Variants in TAFA2 observed in about 807,000 individuals in gnomAD.
The protein encoded by TAFA2 is TAFA chemokine like family member 2, also known as chemokine-like protein TAFA-2.
A neutral mutation model predicts 18.8 loss-of-function variants in TAFA2; 7 were observed. The observed-to-expected ratio is 0.37, with a 90% CI of 0.21 to 0.70. TAFA2 has a LOEUF of 0.70. Ranked by LOEUF, TAFA2 falls within the 30% of genes least tolerant of loss-of-function variation. The pLI is 0.53. For synonymous variants in TAFA2, 60 were observed against 54.2 expected, an observed-to-expected ratio of 1.11 and a Z score of -0.47; for missense variants, 122 against 158.1, an observed-to-expected ratio of 0.77 and a Z score of 1.23.
chr12:62,057,988 CTT>C (rs1294093281), intron 1 of TAFA2, among the ~76,000 whole-genome samples: 1 of 152,168 alleles, frequency 6.6e-6, no homozygotes, highest in Admixed American at 6.5e-5. Context: ...CAAGCTCTCT[CTT>C]TGTCTGAAAA....
intron 1 of TAFA2, among the ~76,000 whole-genome samples, chr12:61,964,744 G>C (rs970957927): frequency 6.6e-6 from 1 of 151,764 alleles, no homozygotes; most frequent in African/African-American, 2.4e-5. Context: ...TGTACTTTCT[G>C]CCATATGTTC....
In TAFA2 at chr12:62,074,698, ATTT is replaced by A. The variant is rs67195424; in HGVS notation, c.-2+116558_-2+116560del. 6.1e-3 allele frequency among the ~76,000 whole-genome samples: 836 copies of A among 137,602 alleles called. 5 individuals are homozygous for A. Among genetic ancestry groups the A allele is most frequent in the African/African-American group, 0.021 (747 of 35,290 alleles). 90.3% of individuals were successfully genotyped at this position (137,602 alleles called of 152,430 possible). On this transcript the variant is annotated intron_variant, in intron 1 of 4. Transcript: ENST00000416284. ...CATCCAAATCCTTCTAACTACATGA[ATTT>A]TTTTTTTTTTTTTTTTTTGAGACAG...
intron 1 of TAFA2, among the ~76,000 whole-genome samples, chr12:62,035,810 C>G (rs1388530103): frequency 7.5e-6 from 1 of 133,338 alleles, no homozygotes; most frequent in Non-Finnish European, 1.5e-5. Context: ...GGCGCGATCT[C>G]GACTCACTGC....
At chr12:61,944,280 G>A (rs1878168762) in intron 1 of TAFA2, among the ~76,000 whole-genome samples, 1 of 151,270 alleles carries the variant, frequency 6.6e-6, no homozygotes, top group African/African-American at 2.5e-5. Flanking sequence ...CAACATACCA[G>A]ACTCTCTGGG....
intron 1 of TAFA2, among the ~76,000 whole-genome samples, chr12:62,173,001 T>C (rs2062488782): frequency 6.6e-6 from 1 of 152,202 alleles, no homozygotes; most frequent in African/African-American, 2.4e-5. Context: ...CTTGGGTCTT[T>C]GTGAGGAATA....
At chr12:61,947,432 A>C (rs1468882513) in intron 1 of TAFA2, among the ~76,000 whole-genome samples, 2 of 151,812 alleles carry the variant, frequency 1.3e-5, no homozygotes, top group African/African-American at 4.8e-5. Context: ...CAATGTGCAC[A>C]TGTACCCTAA....
At chr12:62,125,258 T>G (rs11174334) in intron 1 of TAFA2, among the ~76,000 whole-genome samples, 1 of 151,856 alleles carries the variant, frequency 6.6e-6, no homozygotes, top group South Asian at 2.1e-4. Context: ...CCCTTAGAAA[T>G]ATCCAGGGAC....
chr12:62,050,977 C>T (rs912655147), intron 1 of TAFA2, among the ~76,000 whole-genome samples: 8 of 152,204 alleles, frequency 5.3e-5, no homozygotes, highest in African/African-American at 9.7e-5. Context: ...CCCTTCCCAT[C>T]GCTCAGTCTC....
chr12:62,234,352 G>A (rs1407291057), intron 1 of TAFA2: 1 of 574,846 alleles, frequency 1.7e-6, no homozygotes, highest in African/African-American at 1.9e-5. Context: ...GCCAGGTCCA[G>A]TGTTCTCTGC....
chr12:62,246,161 T>C (rs1294618226), intron 1 of TAFA2, among the ~76,000 whole-genome samples: 2 of 152,152 alleles, frequency 1.3e-5, no homozygotes, highest in Non-Finnish European at 2.9e-5. Context: ...TAATTTTTTG[T>C]ATTTTTAGTA....
At chr12:61,731,164 G>A (rs1015251523) in intron 4 of TAFA2, among the ~76,000 whole-genome samples, 1 of 152,058 alleles carries the variant, frequency 6.6e-6, no homozygotes, top group Non-Finnish European at 1.5e-5. Context: ...ATTTGTTTCA[G>A]CTCTAGGTGA....
chr12:62,137,224 T>C (rs917235590), intron 1 of TAFA2, among the ~76,000 whole-genome samples: 1 of 152,136 alleles, frequency 6.6e-6, no homozygotes, highest in Non-Finnish European at 1.5e-5. Context: ...TTACAGTTCA[T>C]GGGCAAATAA....
At chr12:61,927,378 CAGAG>C (rs1238989850) in intron 1 of TAFA2, among the ~76,000 whole-genome samples, 1 of 152,064 alleles carries the variant, frequency 6.6e-6, no homozygotes, top group Non-Finnish European at 1.5e-5. Context: ...AACAGATAAA[CAGAG>C]AGCCAAATCA....
At chr12:61,938,884 T>C (rs901997484) in intron 1 of TAFA2, among the ~76,000 whole-genome samples, 4 of 151,802 alleles carry the variant, frequency 2.6e-5, no homozygotes, top group African/African-American at 9.7e-5. Flanking sequence ...CAGAGTGACA[T>C]AATGGACTTT....
At chr12:61,918,701 T>C (rs919819562) in intron 1 of TAFA2, among the ~76,000 whole-genome samples, 2 of 152,134 alleles carry the variant, frequency 1.3e-5, no homozygotes, top group African/African-American at 4.8e-5. Flanking sequence ...CATATGGTAG[T>C]TCTATTTTTA....
intron 2 of TAFA2, among the ~76,000 whole-genome samples, chr12:61,861,000 G>A (rs1874102165): frequency 6.6e-6 from 1 of 152,128 alleles, no homozygotes; most frequent in Admixed American, 6.5e-5. Flanking sequence ...GCTCAGGCTG[G>A]AGTGCAGTGG....
intron 1 of TAFA2, among the ~76,000 whole-genome samples, chr12:61,918,200 A>G (rs1233066213): frequency 6.6e-6 from 1 of 152,126 alleles, no homozygotes; most frequent in African/African-American, 2.4e-5. Flanking sequence ...TAAAATGAAC[A>G]ATTAAATTAT....
intron 1 of TAFA2, among the ~76,000 whole-genome samples, chr12:62,143,150 C>T (rs2062251760): frequency 6.6e-6 from 1 of 152,148 alleles, no homozygotes; most frequent in Non-Finnish European, 1.5e-5. Context: ...GGTTTTTCAA[C>T]ACGGAGATGG....
At chr12:61,880,042 G>A (rs945458251) in intron 1 of TAFA2, 22 of 706,612 alleles carry the variant, frequency 3.1e-5, no homozygotes, top group Non-Finnish European at 4.9e-5. Flanking sequence ...CCCTGATCTC[G>A]GACACGTCTG....
Sources: allele counts gnomAD v4.1 joint callset (sites outside exome capture counted in the v4.1 genomes callset), GRCh38; gene constraint gnomAD v4.1.1; transcripts MANE v1.5; gene names NCBI Gene and HGNC (gene_info 2026-07-23, HGNC 2026-07-21).